Variants in XKRX observed in about 807,000 individuals in gnomAD.
XKRX encodes the protein XK related X-linked, also known as XK-related protein 2.
Under a neutral mutation model 22.4 loss-of-function variants are expected in XKRX, and 11 were observed. The ratio of observed to expected loss-of-function variants is 0.49; its 90% CI spans 0.31 to 0.81. The LOEUF is 0.81. Among genes scored for constraint, XKRX ranks in the 40% least tolerant of loss-of-function variants. The pLI is 0.05. For synonymous variants in XKRX, 114 were observed against 132.2 expected (o/e 0.86, Z 0.94); for missense variants, 320 against 336.5 (o/e 0.95, Z 0.38).
At chrX:100,932,621 G>C (rs1342642990), upstream of XKRX, among the ~76,000 whole-genome samples, 1 of 112,270 alleles carries the variant, frequency 8.9e-6, no homozygotes, top group Admixed American at 9.5e-5. Context: ...TCAGGGATGG[G>C]GTTGAGCTTT....
the XKRX span, among the ~76,000 whole-genome samples, chrX:100,938,806 GA>G: frequency 4.5e-5 from 5 of 112,213 alleles, no homozygotes; most frequent in South Asian, 3.7e-4. Context: ...GCCACTTGAA[GA>G]GGTCAATCAC....
At chrX:100,911,593 A>G (rs2085407307), downstream of XKRX, 4 of 470,401 alleles carry the variant, frequency 8.5e-6, no homozygotes, top group East Asian at 1.1e-4. Context: ...TATGTCTGCA[A>G]TCATCAAGAG....
At chrX:100,920,366 C>A (rs1466203523) in intron 2 of XKRX, among the ~76,000 whole-genome samples, 1 of 110,901 alleles carries the variant, frequency 9.0e-6, no homozygotes, top group Admixed American at 9.6e-5. Context: ...ATGTTTCATA[C>A]AGTCCATTTT....
At chrX:100,941,422 G>A in the XKRX span, among the ~76,000 whole-genome samples, 6 of 111,136 alleles carry the variant, frequency 5.4e-5, no homozygotes, top group African/African-American at 1.3e-4. Flanking sequence ...GGTGGTGCAC[G>A]CCTATAATCC....
rs1481077879 is a variant in XKRX at position 100,928,713 on chromosome X, G to C, written c.-409C>G. The stretch of plus-strand genomic sequence containing the variant: ...CAGGCAGGGTGTAGCCGATCTGTCG[G>C]GGGCACCGACACTCAGCAGCTCCTC... On this transcript the variant is annotated 5_prime_UTR_variant, in exon 1 of 3. Transcript: ENST00000372956. 3 of 775,367 alleles carry C rather than the reference G, an allele frequency of 3.9e-6. No homozygotes were observed. Among genetic ancestry groups the C allele is most frequent in the Non-Finnish European group, 4.6e-6 (3 of 654,378 alleles). The allele number at this position is 775,367 out of a possible 1,213,427, so 63.9% of individuals were successfully genotyped here. A position where few individuals can be genotyped will look rare whatever the true frequency, so the allele number is the denominator to read the frequency against.
In XKRX at chrX:100,920,816, G is replaced by A. The variant is rs370205583; in HGVS notation, c.604+1977C>T. Among the ~76,000 whole-genome samples the A allele has an allele frequency of 4.3e-4, 48 of 111,313 alleles. 1 individual carries two copies. In the South Asian group the frequency reaches 0.018, roughly 42 times the overall value. On this transcript the variant is annotated intron_variant, in intron 2 of 2. Transcript: ENST00000372956. ...CCTCTGTCGCCCAGGCTGGGGTGCA[G>A]TGGTGCAGTCTCAGCTCACTGCAAC...
At chrX:100,925,038 C>G (rs950405893) in intron 1 of XKRX, among the ~76,000 whole-genome samples, 3 of 111,951 alleles carry the variant, frequency 2.7e-5, no homozygotes, top group African/African-American at 9.7e-5. Flanking sequence ...AAAGAAAGAA[C>G]AGAGAAGAAA....
intron 2 of XKRX, among the ~76,000 whole-genome samples, chrX:100,916,504 G>A (rs2085436685): frequency 8.9e-6 from 1 of 112,108 alleles, no homozygotes; most frequent in South Asian, 3.7e-4. Flanking sequence ...AGCAGGCTTC[G>A]GAGCAAACAT....
At chrX:100,956,240 C>G in the XKRX span, among the ~76,000 whole-genome samples, 3 of 111,422 alleles carry the variant, frequency 2.7e-5, no homozygotes, top group African/African-American at 9.8e-5. Flanking sequence ...GGAAGAATAG[C>G]TAACGCATGC....
At chrX:100,957,215 T>C in the XKRX span, 2 of 1,011,977 alleles carry the variant, frequency 2.0e-6, no homozygotes, top group Middle Eastern at 2.6e-4. Flanking sequence ...TTGGAATGAC[T>C]TGTCAGTATC....
At chrX:100,936,434 G>C in the XKRX span, among the ~76,000 whole-genome samples, 2 of 103,687 alleles carry the variant, frequency 1.9e-5, no homozygotes, top group Admixed American at 1.1e-4. Context: ...CCAGCTACTT[G>C]GGAGGCTGAG....
upstream of XKRX, among the ~76,000 whole-genome samples, chrX:100,932,658 C>T (rs531621511): frequency 3.6e-5 from 4 of 111,817 alleles, no homozygotes; most frequent in Non-Finnish European, 5.6e-5. Flanking sequence ...TGAAGACTGC[C>T]CAAAAGCCTC....
At chrX:100,944,602 A>T in the XKRX span, among the ~76,000 whole-genome samples, 1 of 112,111 alleles carries the variant, frequency 8.9e-6, no homozygotes, top group African/African-American at 3.2e-5. Flanking sequence ...ACCTCAGGTG[A>T]TCCACCTACC....
At position 100,913,839 on chromosome X, in the gene XKRX, C is replaced by T. The variant is rs1243669399; in HGVS notation, c.*499G>A. 1 of 114,286 alleles carries T rather than the reference C, an allele frequency of 8.7e-6. No homozygotes were observed. The highest frequency in any genetic ancestry group is 1.8e-5 in the Non-Finnish European group (1 of 54,614). The allele number at this position is 114,286 out of a possible 1,213,427, so 9.4% of individuals were successfully genotyped here. A position where few individuals can be genotyped will look rare whatever the true frequency, so the allele number is the denominator to read the frequency against. ...GATTTTCTTCTCAGCCAGAGCTTCT[C>T]ACTGGAATTAAAAAGACCCCAGCCA... On this transcript the variant is annotated 3_prime_UTR_variant, in exon 3 of 3. Coordinates refer to ENST00000372956, the MANE Select transcript of XKRX (RefSeq NM_212559.3).
chrX:100,901,109 G>A, the XKRX span, among the ~76,000 whole-genome samples: 5 of 111,131 alleles, frequency 4.5e-5, no homozygotes, highest in Admixed American at 3.9e-4. Context: ...CATTTTTAAC[G>A]AGCTCCTTAA....
chrX:100,911,219 A>C, downstream of XKRX: 1 of 840,649 alleles, frequency 1.2e-6, no homozygotes, highest in East Asian at 3.1e-5. Context: ...TGAAAGACTC[A>C]TCAGGCCAAT....
At chrX:100,946,564 G>T in the XKRX span, among the ~76,000 whole-genome samples, 1 of 111,672 alleles carries the variant, frequency 9.0e-6, no homozygotes, top group African/African-American at 3.3e-5. Flanking sequence ...CAGAGAGAGA[G>T]AATGCATAAC....
chrX:100,917,311 C>T (rs1296309042), intron 2 of XKRX, among the ~76,000 whole-genome samples: 2 of 109,393 alleles, frequency 1.8e-5, no homozygotes, highest in Non-Finnish European at 3.8e-5. Context: ...AAAAATAAAA[C>T]TAATTAGAAA....
At chrX:100,944,512 G>C in the XKRX span, among the ~76,000 whole-genome samples, 2 of 111,141 alleles carry the variant, frequency 1.8e-5, no homozygotes, top group South Asian at 7.7e-4. Flanking sequence ...ACAGACGCCC[G>C]CCACCACACC....
Sources: gnomAD v4.1 joint callset for allele counts (sites outside exome capture counted in the v4.1 genomes callset) on GRCh38, gnomAD v4.1.1 for gene constraint, MANE v1.5 for transcripts, NCBI Gene and HGNC (gene_info 2026-07-23, HGNC 2026-07-21) for gene names.